The following MAP2 variants were observed in gnomAD, a reference collection of about 807,000 sequenced individuals.
MAP2 encodes microtubule-associated protein 2.
MAP2 carries 14 observed loss-of-function variants against 137.6 expected under a neutral mutation model. The ratio of observed to expected loss-of-function variants is 0.10; its 90% CI spans 0.07 to 0.16. The LOEUF is 0.16. Ranked by LOEUF, MAP2 falls within the 10% of genes least tolerant of loss-of-function variation. The pLI, the probability that MAP2 is intolerant of heterozygous loss-of-function variation, is 1.00. For missense variants in MAP2, 2,088 were observed against 2,191.5 expected (o/e 0.95, Z 0.94); for synonymous variants, 786 against 782.3 (o/e 1.00, Z -0.08).
rs1447794121 is a variant in MAP2 at position 209,692,933 on chromosome 2, G to A, written c.763G>A (p.Glu255Lys). 26 of 1,613,938 alleles carry A rather than the reference G, an allele frequency of 1.6e-5. No individual in the cohort carries two copies. Among genetic ancestry groups the A allele is most frequent in the Non-Finnish European group, 2.1e-5 (25 of 1,179,982 alleles). The change falls in exon 8 of 16, where the codon GAG becomes AAG. Residue 255 changes from glutamate (E) to lysine (K), a missense_variant. Physicochemically the swap from Glu to Lys is moderately conservative, Grantham distance 56. Coordinates refer to ENST00000682079, the MANE Select transcript of MAP2 (RefSeq NM_001375505.1). The stretch of plus-strand genomic sequence containing the variant: ...AGTACCTGGCATTGACCTCCCTAAA[G>A]AGCCTCCAACTCCAAAAGAACAAAA... ...LVVPGIDLPKEPPTPKEQKDW... is the reference protein window; with the variant it reads ...LVVPGIDLPKKPPTPKEQKDW...
At chr2:209,573,978 C>T (rs1170353905) in intron 2 of MAP2, among the ~76,000 whole-genome samples, 1 of 152,032 alleles carries the variant, frequency 6.6e-6, no homozygotes, top group African/African-American at 2.4e-5. Context: ...TATTGCCAAA[C>T]AATATTCTAT....
chr2:209,473,364 C>A (rs1446686493), intron 1 of MAP2, among the ~76,000 whole-genome samples: 1 of 152,064 alleles, frequency 6.6e-6, no homozygotes, highest in Non-Finnish European at 1.5e-5. Flanking sequence ...TTCCTTCATT[C>A]TTCTTAGTAT....
chr2:209,480,163 A>G (rs974955394), intron 1 of MAP2, among the ~76,000 whole-genome samples: 1 of 152,164 alleles, frequency 6.6e-6, no homozygotes, highest in Non-Finnish European at 1.5e-5. Flanking sequence ...CACTGTGTCA[A>G]AGAGGGAGAG....
intron 15 of MAP2, 25 bp from the exon 16 acceptor site, chr2:209,730,157 G>A (rs771263042): frequency 3.8e-5 from 60 of 1,595,698 alleles, no homozygotes; most frequent in South Asian, 2.5e-4. Context: ...ATGAGTTAAC[G>A]AGGACTGATG....
chr2:209,537,486 T>A (rs1486234407), intron 2 of MAP2, among the ~76,000 whole-genome samples: 1 of 152,170 alleles, frequency 6.6e-6, no homozygotes, highest in East Asian at 1.9e-4. Context: ...TTTCATCCAA[T>A]CCTAATGAAA....
chr2:209,651,546 A>G (rs531584924), intron 4 of MAP2, among the ~76,000 whole-genome samples: 1 of 152,330 alleles, frequency 6.6e-6, no homozygotes, highest in South Asian at 2.1e-4. Context: ...CCAATAAACT[A>G]AGCATTGTTC....
chr2:209,711,101 C>A (rs2153770571), intron 13 of MAP2, among the ~76,000 whole-genome samples: 1 of 152,208 alleles, frequency 6.6e-6, no homozygotes, highest in African/African-American at 2.4e-5. Context: ...AAAACAACAT[C>A]CTTTTTTGAA....
chr2:209,552,632 G>A (rs1269721075), intron 2 of MAP2, among the ~76,000 whole-genome samples: 1 of 152,098 alleles, frequency 6.6e-6, no homozygotes, highest in African/African-American at 2.4e-5. Flanking sequence ...GGAGGCCGAG[G>A]CGGGTGGATC....
chr2:209,649,822 CG>C (rs1274015541), intron 4 of MAP2, among the ~76,000 whole-genome samples: 1 of 152,056 alleles, frequency 6.6e-6, no homozygotes, highest in Non-Finnish European at 1.5e-5. Context: ...TTTAGGTAAT[CG>C]TTTTGATTTG....
At chr2:209,672,922 A>G (rs938805950) in intron 5 of MAP2, among the ~76,000 whole-genome samples, 1 of 151,808 alleles carries the variant, frequency 6.6e-6, no homozygotes, top group African/African-American at 2.4e-5. Flanking sequence ...TTAGTTTCTC[A>G]TACATATTAA....
chr2:209,434,621 G>A (rs1355867774), intron 1 of MAP2, among the ~76,000 whole-genome samples: 1 of 151,306 alleles, frequency 6.6e-6, no homozygotes, highest in Non-Finnish European at 1.5e-5. Context: ...AAGAGTTCAA[G>A]ACCAGCCTAA....
At chr2:209,704,310 A>G (rs2062694962) in intron 11 of MAP2, 2 of 674,252 alleles carry the variant, frequency 3.0e-6, no homozygotes, top group Non-Finnish European at 4.9e-6. Context: ...ACACATCTCT[A>G]TCATTGATTA....
At chr2:209,474,283 T>A (rs1374461170) in intron 1 of MAP2, among the ~76,000 whole-genome samples, 1 of 152,176 alleles carries the variant, frequency 6.6e-6, no homozygotes, top group Non-Finnish European at 1.5e-5. Flanking sequence ...GCCAAATGTG[T>A]AAGTGCCTAA....
At chr2:209,503,559 C>T (rs1204524124) in intron 1 of MAP2, among the ~76,000 whole-genome samples, 1 of 151,980 alleles carries the variant, frequency 6.6e-6, no homozygotes, top group Admixed American at 6.6e-5. Context: ...TTTAAGTTTT[C>T]ATTCCATTTT....
chr2:209,620,302 G>A (rs1475445760), intron 3 of MAP2, among the ~76,000 whole-genome samples: 1 of 152,112 alleles, frequency 6.6e-6, no homozygotes, highest in Non-Finnish European at 1.5e-5. Flanking sequence ...ACAATAGCCT[G>A]GAGCTTCTGG....
At chr2:209,609,349 G>A (rs1225804196) in intron 3 of MAP2, among the ~76,000 whole-genome samples, 2 of 151,948 alleles carry the variant, frequency 1.3e-5, no homozygotes, top group African/African-American at 4.8e-5. Flanking sequence ...TATTGAGTGA[G>A]ATATAATTCA....
intron 4 of MAP2, among the ~76,000 whole-genome samples, chr2:209,651,316 A>T (rs1279971101): frequency 6.6e-6 from 1 of 152,160 alleles, no homozygotes; most frequent in Non-Finnish European, 1.5e-5. Flanking sequence ...GTCTTGGGAT[A>T]TCCATTCATC....
rs1329767395 is a variant in MAP2 at position 209,694,561 on chromosome 2, A to C, written c.2391A>C (p.Lys797Asn). ...CTTTCCTAGCCAAAGATTTTTACAA[A>C]AATGGTACTGTCATGGCACCTGACC... ...ESPFLAKDFY[K>N]NGTVMAPDLP... The change falls in exon 8 of 16, where the codon AAA becomes AAC. Residue 797 changes from lysine (K) to asparagine (N), a missense_variant. Lys to Asn is a moderately conservative substitution (Grantham distance 94, BLOSUM62 0). Coordinates refer to ENST00000682079, the MANE Select transcript of MAP2 (RefSeq NM_001375505.1). 1.2e-6 allele frequency: 2 copies of C among 1,614,126 alleles called. No individual in the cohort carries two copies. Among genetic ancestry groups the C allele is most frequent in the Non-Finnish European group, 1.7e-6 (2 of 1,179,978 alleles).
At position 209,693,925 on chromosome 2, in the gene MAP2, C is replaced by T. The variant is rs2059571507; in HGVS notation, c.1755C>T (p.Ser585=). 9 of 1,611,844 alleles carry T rather than the reference C, an allele frequency of 5.6e-6. No individual in the cohort carries two copies. The highest frequency in any genetic ancestry group is 1.3e-5 in the African/African-American group (1 of 74,754). Residue 585 remains serine, a synonymous_variant, in exon 8 of 16, where the codon AGC becomes AGT. Coordinates refer to ENST00000682079, the MANE Select transcript of MAP2 (RefSeq NM_001375505.1). The stretch of plus-strand genomic sequence containing the variant: ...CCTTGAAAGAAGAAGCAACAAAAAG[C>T]ATTGAGCCAGGCAGTGATTACTATG... ...TSALKEEATK[S]IEPGSDYYEL...
Sources: allele counts gnomAD v4.1 joint callset (sites outside exome capture counted in the v4.1 genomes callset), GRCh38; gene constraint gnomAD v4.1.1; transcripts MANE v1.5; gene names NCBI Gene and HGNC (gene_info 2026-07-23, HGNC 2026-07-21).